MIB1: variants seen among roughly 807,000 people sequenced by gnomAD.
MIB1 encodes the protein E3 ubiquitin-protein ligase MIB1.
In MIB1, 278 loss-of-function variants were observed where a neutral mutation model predicts 124.5. The ratio of observed to expected loss-of-function variants is 2.23; its 90% CI spans 2.02 to 2.47. The LOEUF is 2.47. Ranked by LOEUF, MIB1 falls within the 30% of genes most tolerant of loss-of-function variation. The pLI, the probability that MIB1 is intolerant of heterozygous loss-of-function variation, is 0.00. For missense variants in MIB1, 957 were observed against 1,254.4 expected (o/e 0.76, Z 3.58); for synonymous variants, 446 against 429.4 (o/e 1.04, Z -0.48).
intron 3 of MIB1, among the ~76,000 whole-genome samples, chr18:21,769,022 C>T (rs2041196761): frequency 6.6e-6 from 1 of 152,182 alleles, no homozygotes; most frequent in Non-Finnish European, 1.5e-5. Flanking sequence ...TTTCTGAACG[C>T]ATTTGGGCCA....
chr18:21,743,666 A>T (rs954561961), intron 1 of MIB1, among the ~76,000 whole-genome samples: 1 of 151,542 alleles, frequency 6.6e-6, no homozygotes, highest in Non-Finnish European at 1.5e-5. Context: ...TTGTTTTGTT[A>T]CCTGCAGCCT....
rs769232281 is a variant in MIB1 at position 21,765,912 on chromosome 18, T to C, written c.370T>C (p.Phe124Leu). 3 of 1,614,082 alleles carry C rather than the reference T, an allele frequency of 1.9e-6. No homozygotes were observed. Among genetic ancestry groups the C allele is most frequent in the Admixed American group, 1.7e-5 (1 of 60,008 alleles). ...AGATAAACATCATTTAAGACATCGC[T>C]TTTACCGAATTACTACACCGGGAAG... is the stretch of plus-strand genomic sequence containing the variant. ...HGDKHHLRHRFYRITTPGSER... is the reference protein window; with the variant it reads ...HGDKHHLRHRLYRITTPGSER... The change falls in exon 2 of 21, where the codon TTT becomes CTT. Residue 124 changes from phenylalanine (F) to leucine (L), a missense_variant. Transcript: ENST00000261537.
intron 1 of MIB1, among the ~76,000 whole-genome samples, chr18:21,750,392 A>G (rs1211106341): frequency 6.6e-6 from 1 of 152,014 alleles, no homozygotes; most frequent in Non-Finnish European, 1.5e-5. Context: ...CAGTGGCAAG[A>G]TCTCAGTTCA....
chr18:21,779,415 A>ATGTTATT, intron 5 of MIB1, 66 bp from the exon 6 acceptor site: 1 of 1,254,348 alleles, frequency 8.0e-7, no homozygotes, highest in South Asian at 1.2e-5. Context: ...TTATTTAAAG[A>ATGTTATT]TAATGCAGCT....
chr18:21,818,086 A>G (rs1050825099), intron 11 of MIB1, among the ~76,000 whole-genome samples: 1 of 152,208 alleles, frequency 6.6e-6, no homozygotes, highest in Non-Finnish European at 1.5e-5. Context: ...TTAATTTACA[A>G]TTGTTTTACC....
At chr18:21,809,522 C>T (rs1436419333) in intron 10 of MIB1, among the ~76,000 whole-genome samples, 1 of 151,982 alleles carries the variant, frequency 6.6e-6, no homozygotes, top group Non-Finnish European at 1.5e-5. Context: ...TAGTGAGCTA[C>T]ATTCAGCAGC....
intron 9 of MIB1, among the ~76,000 whole-genome samples, chr18:21,802,701 T>TC (rs1236429178): frequency 1.3e-5 from 2 of 152,320 alleles, no homozygotes; most frequent in African/African-American, 4.8e-5. Context: ...TTTGTTCTTC[T>TC]ATAAGAGGGG....
intron 16 of MIB1, 25 bp downstream of exon 16, chr18:21,847,150 A>T (rs752402102): frequency 7.5e-6 from 12 of 1,593,582 alleles, no homozygotes; most frequent in Non-Finnish European, 9.5e-6. Flanking sequence ...TTATCATAAA[A>T]CTTAATATTC....
upstream of MIB1, among the ~76,000 whole-genome samples, chr18:21,738,859 A>C (rs2040809372): frequency 7.0e-6 from 1 of 143,492 alleles, no homozygotes; most frequent in South Asian, 2.2e-4. Flanking sequence ...AAAAAAAAAA[A>C]AAAAAAAACC....
intron 1 of MIB1, among the ~76,000 whole-genome samples, chr18:21,752,519 A>G (rs1199687410): frequency 6.6e-6 from 1 of 152,248 alleles, no homozygotes; most frequent in Non-Finnish European, 1.5e-5. Context: ...GAAAAAGCTA[A>G]TAACTAAAGC....
intron 7 of MIB1, among the ~76,000 whole-genome samples, chr18:21,794,843 T>C (rs548633414): frequency 6.6e-6 from 1 of 152,238 alleles, no homozygotes; most frequent in African/African-American, 2.4e-5. Flanking sequence ...GAAGATTTTA[T>C]ATGTAACCAA....
chr18:21,751,171 C>G (rs1203600213), intron 1 of MIB1, among the ~76,000 whole-genome samples: 1 of 151,960 alleles, frequency 6.6e-6, no homozygotes, highest in Non-Finnish European at 1.5e-5. Context: ...TACTGCACTC[C>G]AGCCTGGGTG....
At chr18:21,821,227 C>T (rs1355651217) in intron 12 of MIB1, among the ~76,000 whole-genome samples, 1 of 151,976 alleles carries the variant, frequency 6.6e-6, no homozygotes, top group Non-Finnish European at 1.5e-5. Flanking sequence ...ACAAATTATC[C>T]ATTCTGAAAG....
At chr18:21,806,859 G>T (rs1036559007) in intron 10 of MIB1, among the ~76,000 whole-genome samples, 1 of 152,076 alleles carries the variant, frequency 6.6e-6, no homozygotes, top group African/African-American at 2.4e-5. Context: ...CTCACCTCGT[G>T]ATCCACCTGC....
rs567937546 is a variant in MIB1 at position 21,775,562 on chromosome 18, T to A, written c.636+1834T>A. Among the ~76,000 whole-genome samples, 7 of 152,360 alleles carry A rather than the reference T, an allele frequency of 4.6e-5. No individual in the cohort carries two copies. In the East Asian group the frequency reaches 1.3e-3, roughly 29 times the overall value. On this transcript the variant is annotated intron_variant, in intron 4 of 20. Transcript: ENST00000261537. ...TGACCAATTCATGCCACTTATATAT[T>A]AAAAGCCAGCCATGTGAATTTAAAC...
chr18:21,819,385 T>C, intron 11 of MIB1, 110 bp from the exon 12 acceptor site: 1 of 641,366 alleles, frequency 1.6e-6, no homozygotes, highest in South Asian at 2.5e-5. Flanking sequence ...CTTTTATTGG[T>C]ATTTGTTGGA....
chr18:21,723,723 TCAGG>T (rs2040725196), intron 1 of MIB1, among the ~76,000 whole-genome samples: 1 of 152,084 alleles, frequency 6.6e-6, no homozygotes, highest in African/African-American at 2.4e-5. Context: ...CCCATGTTGG[TCAGG>T]CTGGTCTCGA....
upstream of MIB1, among the ~76,000 whole-genome samples, chr18:21,739,634 T>C (rs1359246731): frequency 2.0e-5 from 3 of 152,074 alleles, no homozygotes; most frequent in African/African-American, 4.8e-5. Flanking sequence ...ATAAACACTT[T>C]GGGAGGCTGA....
At chr18:21,807,466 TTCA>T (rs2041721619) in intron 10 of MIB1, among the ~76,000 whole-genome samples, 1 of 152,140 alleles carries the variant, frequency 6.6e-6, no homozygotes, top group Non-Finnish European at 1.5e-5. Context: ...AAAGCAAAAG[TTCA>T]TCAAAGTTTA....
Sources: allele counts gnomAD v4.1 joint callset (sites outside exome capture counted in the v4.1 genomes callset), GRCh38; gene constraint gnomAD v4.1.1; transcripts MANE v1.5; gene names NCBI Gene and HGNC (gene_info 2026-07-23, HGNC 2026-07-21).